Variants in IGSF11 observed in about 807,000 individuals in gnomAD.
IGSF11 encodes immunoglobulin superfamily member 11, also known as CXADR like 1.
A neutral mutation model predicts 41.0 loss-of-function variants in IGSF11; 22 were observed. That is an observed-to-expected ratio of 0.54 (90% CI 0.38 to 0.77). The LOEUF is 0.77. Among genes scored for constraint, IGSF11 ranks in the 30% least tolerant of loss-of-function variants. The pLI is 0.00. For synonymous variants in IGSF11, 219 were observed against 201.3 expected (o/e 1.09, Z -0.74); for missense variants, 444 against 530.8 (o/e 0.84, Z 1.61).
At chr3:119,011,537 A>T (rs1938113642) in intron 1 of IGSF11, among the ~76,000 whole-genome samples, 2 of 152,178 alleles carry the variant, frequency 1.3e-5, no homozygotes, top group Admixed American at 1.3e-4. Context: ...TGTCAGAAGA[A>T]ACCAGGGCCC....
chr3:119,019,905 C>T (rs1450598100), intron 1 of IGSF11, among the ~76,000 whole-genome samples: 1 of 152,088 alleles, frequency 6.6e-6, no homozygotes, highest in African/African-American at 2.4e-5. Context: ...GTGGTGATAT[C>T]TGAAGGCAGA....
At chr3:119,083,106 T>C (rs948901245) in intron 1 of IGSF11, among the ~76,000 whole-genome samples, 5 of 145,672 alleles carry the variant, frequency 3.4e-5, no homozygotes, top group South Asian at 2.2e-4. Context: ...TCCTTTTTTT[T>C]CTTTTTCTTT....
intron 1 of IGSF11, among the ~76,000 whole-genome samples, chr3:118,943,697 T>C (rs968365313): frequency 2.0e-5 from 3 of 152,216 alleles, no homozygotes; most frequent in Non-Finnish European, 4.4e-5. Context: ...CTCTCTGACA[T>C]TGTGATGCTA....
At chr3:119,050,295 A>G (rs537522122) in intron 1 of IGSF11, among the ~76,000 whole-genome samples, 1 of 146,038 alleles carries the variant, frequency 6.8e-6, no homozygotes, top group Non-Finnish European at 1.6e-5. Flanking sequence ...ACTCAAATTT[A>G]CAAGAAAAAA....
chr3:118,935,539 A>T (rs148731267), intron 1 of IGSF11, among the ~76,000 whole-genome samples: 1 of 151,710 alleles, frequency 6.6e-6, no homozygotes, highest in Non-Finnish European at 1.5e-5. Context: ...AATTGGTTAT[A>T]TAACTTTGAG....
chr3:118,952,248 G>T (rs147118680), intron 1 of IGSF11, among the ~76,000 whole-genome samples: 1,932 of 152,238 alleles, frequency 0.013, 40 homozygotes, highest in African/African-American at 0.044. Context: ...GCTGCTGAAT[G>T]ATCAGGTTAA....
chr3:119,083,245 G>A (rs916012582), intron 1 of IGSF11, among the ~76,000 whole-genome samples: 4 of 150,632 alleles, frequency 2.7e-5, no homozygotes, highest in Middle Eastern at 3.5e-3. Flanking sequence ...TCAGCCTCAC[G>A]AGGAGCTGGG....
At chr3:119,075,485 C>T (rs1304376006) in intron 1 of IGSF11, among the ~76,000 whole-genome samples, 1 of 152,108 alleles carries the variant, frequency 6.6e-6, no homozygotes, top group African/African-American at 2.4e-5. Flanking sequence ...ATGAAGTTAG[C>T]ATCATTCTTA....
At chr3:118,951,686 C>G (rs1944578585) in intron 1 of IGSF11, among the ~76,000 whole-genome samples, 1 of 152,020 alleles carries the variant, frequency 6.6e-6, no homozygotes, top group Non-Finnish European at 1.5e-5. Flanking sequence ...AGGACACCCC[C>G]CAGACACCAA....
At chr3:119,044,250 G>A (rs929075322) in intron 1 of IGSF11, among the ~76,000 whole-genome samples, 22 of 152,106 alleles carry the variant, frequency 1.4e-4, no homozygotes, top group African/African-American at 5.3e-4. Context: ...GACATACTTA[G>A]AGAAATGCAA....
chr3:118,909,921 C>T (rs1021214881), intron 4 of IGSF11, among the ~76,000 whole-genome samples: 2 of 152,178 alleles, frequency 1.3e-5, no homozygotes, highest in Non-Finnish European at 2.9e-5. Context: ...TACCAATGAA[C>T]ATTACTCAGC....
intron 4 of IGSF11, among the ~76,000 whole-genome samples, chr3:118,907,216 A>G (rs1270297089): frequency 6.6e-6 from 1 of 152,200 alleles, no homozygotes; most frequent in African/African-American, 2.4e-5. Context: ...CTCTATCTAG[A>G]TCAAAGGCAG....
intron 1 of IGSF11, among the ~76,000 whole-genome samples, chr3:118,942,007 G>T (rs1943733274): frequency 6.6e-6 from 1 of 152,074 alleles, no homozygotes; most frequent in Non-Finnish European, 1.5e-5. Flanking sequence ...TACTACATAG[G>T]GCATAAGGGA....
intron 1 of IGSF11, among the ~76,000 whole-genome samples, chr3:119,112,093 C>T (rs546435509): frequency 6.6e-5 from 10 of 152,316 alleles, no homozygotes; most frequent in Non-Finnish European, 1.0e-4. Flanking sequence ...TCTCAAGCTG[C>T]GTACTGGGAG....
intron 1 of IGSF11, among the ~76,000 whole-genome samples, chr3:118,951,333 C>A (rs1025189934): frequency 1.4e-4 from 21 of 152,104 alleles, no homozygotes; most frequent in Admixed American, 1.3e-4. Context: ...GTTTGGTGAT[C>A]ATAGTATTTT....
chr3:119,007,600 T>A (rs1443571243), intron 1 of IGSF11, among the ~76,000 whole-genome samples: 1 of 152,098 alleles, frequency 6.6e-6, no homozygotes, highest in Non-Finnish European at 1.5e-5. Flanking sequence ...CCCAACCATC[T>A]CAGAGTATCC....
upstream of IGSF11, among the ~76,000 whole-genome samples, chr3:119,107,351 T>C (rs2077050025): frequency 6.6e-6 from 1 of 152,222 alleles, no homozygotes; most frequent in South Asian, 2.1e-4. Flanking sequence ...ATGATGAGCA[T>C]TTTTCATATG....
rs374149945 is a variant in IGSF11, at chr3:119,094,219, G to A, written c.49+10925C>T. On this transcript the variant is annotated intron_variant, in intron 1 of 6. Coordinates refer to the IGSF11 transcript ENST00000354673. ...AAAATGGAAAGAAGGACTACATAGCGAAGTAAAAAAAAAAAAAAAAAAAAA... is the reference window on the plus strand; with the variant it reads ...AAAATGGAAAGAAGGACTACATAGCAAAGTAAAAAAAAAAAAAAAAAAAAA... 4.3e-4 allele frequency among the ~76,000 whole-genome samples: 4 copies of A among 9,288 alleles called. 1 individual carries two copies. The highest frequency in any genetic ancestry group is 9.9e-3 in the South Asian group (2 of 202). The allele number at this position is 9,288 out of a possible 152,430, so 6.1% of individuals were successfully genotyped here. A position where few individuals can be genotyped will look rare whatever the true frequency, so the allele number is the denominator to read the frequency against.
intron 1 of IGSF11, among the ~76,000 whole-genome samples, chr3:119,091,632 C>CT (rs2076761813): frequency 6.6e-6 from 1 of 152,132 alleles, no homozygotes; most frequent in Admixed American, 6.6e-5. Flanking sequence ...CATGTTCTCA[C>CT]TTATAACTGG....
Sources: allele counts gnomAD v4.1 joint callset (sites outside exome capture counted in the v4.1 genomes callset), GRCh38; gene constraint gnomAD v4.1.1; transcripts MANE v1.5; gene names NCBI Gene and HGNC (gene_info 2026-07-23, HGNC 2026-07-21).